LRRTM4: variants seen among roughly 807,000 people sequenced by gnomAD.
LRRTM4 encodes leucine rich repeat transmembrane neuronal 4, also known as leucine-rich repeat transmembrane neuronal protein 4.
LRRTM4 carries 25 observed loss-of-function variants against 47.6 expected under a neutral mutation model. The observed-to-expected ratio is 0.53, with a 90% confidence interval of 0.38 to 0.73. LRRTM4 has a LOEUF of 0.73. LRRTM4 is among the 30% of genes least tolerant of loss of function. The probability of loss-of-function intolerance (pLI) is 0.00; values close to 1 mark genes in which losing one functional copy is unlikely to be tolerated. For synonymous variants in LRRTM4, 311 were observed against 269.5 expected (o/e 1.15, Z -1.51); for missense variants, 638 against 713.4 (o/e 0.89, Z 1.20).
intron 3 of LRRTM4, among the ~76,000 whole-genome samples, chr2:77,037,352 G>T (rs531248641): frequency 2.4e-4 from 37 of 151,704 alleles, no homozygotes; most frequent in African/African-American, 8.7e-4. Flanking sequence ...TTATCTTTTG[G>T]TGAGTCTTAA....
intron 3 of LRRTM4, among the ~76,000 whole-genome samples, chr2:76,940,340 C>T (rs776515647): frequency 4.6e-5 from 7 of 152,090 alleles, no homozygotes; most frequent in Non-Finnish European, 8.8e-5. Flanking sequence ...TTTGCAGGAA[C>T]ATGGAGAGAG....
chr2:77,322,826 A>ACTCTCT (rs61495510), intron 3 of LRRTM4, among the ~76,000 whole-genome samples: 6 of 133,220 alleles, frequency 4.5e-5, no homozygotes, highest in South Asian at 2.5e-4. Context: ...AACTACATAA[A>ACTCTCT]CTCTCTCTCT....
chr2:77,021,802 A>C (rs1445867758), intron 3 of LRRTM4, among the ~76,000 whole-genome samples: 1 of 151,824 alleles, frequency 6.6e-6, no homozygotes, highest in African/African-American at 2.4e-5. Flanking sequence ...TAATGCCATA[A>C]ATTTTTAATA....
chr2:77,234,592 A>T (rs1047454540), intron 3 of LRRTM4, among the ~76,000 whole-genome samples: 3 of 152,140 alleles, frequency 2.0e-5, no homozygotes. Context: ...GATTTATAGG[A>T]TCATTTGGAA....
At chr2:77,318,235 T>C (rs1240037575) in intron 3 of LRRTM4, among the ~76,000 whole-genome samples, 1 of 152,138 alleles carries the variant, frequency 6.6e-6, no homozygotes, top group African/African-American at 2.4e-5. Context: ...CTTGATCTCC[T>C]GAACTCGTGA....
rs188223050 is a variant in LRRTM4 at position 77,052,439 on chromosome 2, G to C, written c.1552-303523C>G. Among the ~76,000 whole-genome samples the C allele has an allele frequency of 2.4e-3, 361 of 152,054 alleles. 7 individuals are homozygous for C. The highest frequency in any genetic ancestry group is 7.5e-3 in the African/African-American group (311 of 41,496). On this transcript the variant is annotated intron_variant, in intron 3 of 3. Coordinates refer to ENST00000409884, the MANE Select transcript of LRRTM4 (RefSeq NM_001134745.3). ...CCGCCTTGGCCTCCCAAAGTGCTGG[G>C]ATTACAGGTGTGAGCCACCATGCCC...
chr2:77,253,418 C>T (rs866407773), intron 3 of LRRTM4, among the ~76,000 whole-genome samples: 11 of 152,166 alleles, frequency 7.2e-5, no homozygotes, highest in African/African-American at 2.4e-4. Flanking sequence ...CAACCTAGCA[C>T]GAATGAGAAG....
intron 3 of LRRTM4, among the ~76,000 whole-genome samples, chr2:76,940,061 C>G (rs1675083172): frequency 6.6e-6 from 1 of 152,038 alleles, no homozygotes. Flanking sequence ...TCAGTTCAAC[C>G]TTTGTGGAAA....
chr2:77,055,599 A>C (rs894923191), intron 3 of LRRTM4, among the ~76,000 whole-genome samples: 17 of 152,164 alleles, frequency 1.1e-4, no homozygotes, highest in South Asian at 1.0e-3. Flanking sequence ...GTAGGACTGT[A>C]AACTAGTTCG....
chr2:76,816,593 A>T (rs994861223), intron 3 of LRRTM4, among the ~76,000 whole-genome samples: 2 of 151,490 alleles, frequency 1.3e-5, no homozygotes, highest in Non-Finnish European at 2.9e-5. Context: ...CTGTATTTTT[A>T]AAAAAGACTC....
chr2:77,444,958 C>CACAA (rs1553445533), intron 3 of LRRTM4, among the ~76,000 whole-genome samples: 11 of 143,926 alleles, frequency 7.6e-5, no homozygotes, highest in African/African-American at 2.9e-4. Context: ...CATACACACA[C>CACAA]ACACACACAC....
At chr2:76,948,553 G>A (rs1675398748) in intron 3 of LRRTM4, among the ~76,000 whole-genome samples, 2 of 151,426 alleles carry the variant, frequency 1.3e-5, no homozygotes, top group Non-Finnish European at 3.0e-5. Flanking sequence ...CAATTTCTTG[G>A]GCTGATTATG....
chr2:76,895,051 T>C (rs911841878), intron 3 of LRRTM4, among the ~76,000 whole-genome samples: 2 of 151,704 alleles, frequency 1.3e-5, no homozygotes, highest in African/African-American at 4.8e-5. Context: ...AGGAAAATAC[T>C]TCGGCAAACA....
chr2:76,918,786 T>G (rs2103801884), intron 3 of LRRTM4, among the ~76,000 whole-genome samples: 1 of 152,252 alleles, frequency 6.6e-6, no homozygotes, highest in East Asian at 1.9e-4. Context: ...CCAATGGAAC[T>G]TAAGAAGTCT....
intron 3 of LRRTM4, among the ~76,000 whole-genome samples, chr2:76,911,316 A>C (rs1052608258): frequency 6.6e-6 from 1 of 152,178 alleles, no homozygotes; most frequent in East Asian, 1.9e-4. Context: ...GGACTTTCAC[A>C]ATTATTTCTT....
chr2:77,239,097 G>A (rs7588419), intron 3 of LRRTM4, among the ~76,000 whole-genome samples: 85,440 of 151,416 alleles, frequency 0.56, 24,415 homozygotes, highest in African/African-American at 0.6. Context: ...AGAAATAATT[G>A]AGCAAATATT....
At chr2:76,968,680 A>G (rs1482025869) in intron 3 of LRRTM4, among the ~76,000 whole-genome samples, 1 of 151,634 alleles carries the variant, frequency 6.6e-6, no homozygotes, top group Non-Finnish European at 1.5e-5. Context: ...TGAAGAAAAG[A>G]TAATTGATGA....
At chr2:77,442,126 G>C (rs894151183) in intron 3 of LRRTM4, among the ~76,000 whole-genome samples, 2 of 152,102 alleles carry the variant, frequency 1.3e-5, no homozygotes, top group Admixed American at 6.5e-5. Flanking sequence ...AGGACTCTGG[G>C]TTGAAATCTA....
chr2:77,271,630 T>A (rs1009891330), intron 3 of LRRTM4, among the ~76,000 whole-genome samples: 1 of 152,198 alleles, frequency 6.6e-6, no homozygotes, highest in African/African-American at 2.4e-5. Context: ...CTACACCATA[T>A]CATAGCTTCC....
Sources: allele counts gnomAD v4.1 joint callset (sites outside exome capture counted in the v4.1 genomes callset), GRCh38; gene constraint gnomAD v4.1.1; transcripts MANE v1.5; gene names NCBI Gene and HGNC (gene_info 2026-07-23, HGNC 2026-07-21).